The following PRR14L variants were observed in gnomAD, a reference collection of about 807,000 sequenced individuals.
The protein encoded by PRR14L is proline rich 14 like.
A neutral mutation model predicts 155.0 loss-of-function variants in PRR14L; 80 were observed. The ratio of observed to expected loss-of-function variants is 0.52; its 90% CI spans 0.43 to 0.62. The LOEUF (loss-of-function observed/expected upper bound fraction) is 0.62. Ranked by LOEUF, PRR14L falls within the 20% of genes least tolerant of loss-of-function variation. The pLI, the probability that PRR14L is intolerant of heterozygous loss-of-function variation, is 0.00. For synonymous variants in PRR14L, 883 were observed against 916.0 expected (o/e 0.96, Z 0.65); for missense variants, 2,469 against 2,548.0 (o/e 0.97, Z 0.67).
Position 31,725,617 on chromosome 22 carries a change from T to G in PRR14L, c.475-7A>C. Reference sequence around the variant, plus strand: ...ACTGCATCAGGAGATCCTCCTACAGTAAGAAAATCCAGTGGTCAAGGGGGA... The same window carrying G: ...ACTGCATCAGGAGATCCTCCTACAGGAAGAAAATCCAGTGGTCAAGGGGGA... On this transcript the variant is annotated splice_polypyrimidine_tract_variant and splice_region_variant and intron_variant, in intron 2 of 8. Coordinates refer to ENST00000327423, the MANE Select transcript of PRR14L (RefSeq NM_173566.3). 6.5e-7 allele frequency: 1 copy of G among 1,539,792 alleles called. No individual in the cohort carries two copies. The highest frequency in any genetic ancestry group is 2.4e-5 in the East Asian group (1 of 40,868).
intron 4 of PRR14L, among the ~76,000 whole-genome samples, chr22:31,705,271 T>C (rs987721744): frequency 6.6e-6 from 1 of 152,116 alleles, no homozygotes; most frequent in Non-Finnish European, 1.5e-5. Flanking sequence ...TAAATAAAAA[T>C]AAATTTTAAA....
intron 2 of PRR14L, among the ~76,000 whole-genome samples, chr22:31,730,210 C>T (rs1464391217): frequency 6.6e-6 from 1 of 151,428 alleles, no homozygotes; most frequent in Non-Finnish European, 1.5e-5. Context: ...GAGGCCAAGG[C>T]GGGTGGATCA....
intron 4 of PRR14L, 36 bp from the exon 5 acceptor site, chr22:31,704,762 G>A (rs753717065): frequency 5.9e-6 from 9 of 1,532,124 alleles, no homozygotes; most frequent in Non-Finnish European, 6.3e-6. Context: ...CAATAGGTAA[G>A]GGCAGTGGGA....
In PRR14L at chr22:31,711,486, A is replaced by C. The variant is rs546755436; in HGVS notation, c.5756+597T>G. On this transcript the variant is annotated intron_variant, in intron 4 of 8. Transcript: ENST00000327423. ...GACTGTTTCAAAAAATAAATAAATA[A>C]ACAAATAAATAAAAGCAGCCTGGTT... Among the ~76,000 whole-genome samples, 53 of 151,834 alleles carry C rather than the reference A, an allele frequency of 3.5e-4. 1 individual carries two copies. The South Asian group carries it at 0.01, about 30-fold the overall frequency.
rs150809029 is a variant in PRR14L, at chr22:31,747,988, CAAAA to C, written c.-52+2001_-52+2004del. On this transcript the variant is annotated intron_variant, in intron 1 of 8. Coordinates refer to ENST00000327423, the MANE Select transcript of PRR14L (RefSeq NM_173566.3). ...GAGGTACAAAATTTACAGCAACAAG[CAAAA>C]AAAAAACAGAACATAAAACCGTGTG... Among the ~76,000 whole-genome samples, 1,427 of 143,546 alleles carry C rather than the reference CAAAA, an allele frequency of 9.9e-3. 13 individuals are homozygous for C. The highest frequency in any genetic ancestry group is 0.013 in the Non-Finnish European group (832 of 65,648). 94.2% of individuals were successfully genotyped at this position (143,546 alleles called of 152,430 possible). A position where few individuals can be genotyped will look rare whatever the true frequency, so the allele number is the denominator to read the frequency against.
At chr22:31,730,933 A>G (rs1010156630) in intron 2 of PRR14L, among the ~76,000 whole-genome samples, 1 of 152,214 alleles carries the variant, frequency 6.6e-6, no homozygotes, top group Non-Finnish European at 1.5e-5. Flanking sequence ...AGGTTGCTGC[A>G]AAAGTAAGTG....
Position 31,714,427 on chromosome 22 carries a change from T to C in PRR14L, c.3412A>G (p.Arg1138Gly). The change falls in exon 4 of 9, where the codon AGA becomes GGA. Residue 1138 changes from arginine to glycine, a missense_variant. Coordinates refer to ENST00000327423, the MANE Select transcript of PRR14L (RefSeq NM_173566.3). Reference sequence around the variant, plus strand: ...TCCATTTCACAGTCTTTTAAAGATCTGCATACGTTTTCTTCACATGATTTT... The same window carrying C: ...TCCATTTCACAGTCTTTTAAAGATCCGCATACGTTTTCTTCACATGATTTT... ...IKKSCEENVCRSLKDCEMEKC... is the reference protein window; with the variant it reads ...IKKSCEENVCGSLKDCEMEKC... 4 of 1,551,670 alleles carry C rather than the reference T, an allele frequency of 2.6e-6. No individual in the cohort carries two copies. Among genetic ancestry groups the C allele is most frequent in the Non-Finnish European group, 3.5e-6 (4 of 1,146,976 alleles).
At chr22:31,697,063 C>T (rs1233022598) in intron 7 of PRR14L, among the ~76,000 whole-genome samples, 4 of 152,122 alleles carry the variant, frequency 2.6e-5, no homozygotes, top group South Asian at 2.1e-4. Flanking sequence ...TGCCATGAGC[C>T]GAGATCATGC....
intron 4 of PRR14L, among the ~76,000 whole-genome samples, chr22:31,708,988 T>G (rs1158931487): frequency 6.6e-6 from 1 of 151,910 alleles, no homozygotes. Context: ...CACACCCGGC[T>G]AATTTTGTAT....
Position 31,715,520 on chromosome 22 carries a change from A to T in PRR14L, c.2319T>A (p.Ser773=). 1 of 1,552,284 alleles carries T rather than the reference A, an allele frequency of 6.4e-7. No individual in the cohort carries two copies. Among genetic ancestry groups the T allele is most frequent in the Non-Finnish European group, 8.7e-7 (1 of 1,147,094 alleles). Residue 773 remains serine (S), a synonymous_variant, in exon 4 of 9, where the codon TCT becomes TCA. Transcript: ENST00000327423. ...REAAGFPQVV[S]VIECHSVQSQ... ...ATTGAACGCTGTGACATTCTATGACAGAGACCACTTGAGGAAAGCCAGCTG... is the reference window on the plus strand; with the variant it reads ...ATTGAACGCTGTGACATTCTATGACTGAGACCACTTGAGGAAAGCCAGCTG...
chr22:31,695,295 C>T (rs954110823), intron 7 of PRR14L, among the ~76,000 whole-genome samples: 1 of 152,170 alleles, frequency 6.6e-6, no homozygotes, highest in African/African-American at 2.4e-5. Context: ...TTCTCTTTTG[C>T]AGTGAGTATG....
chr22:31,741,210 G>A (rs967896175), intron 1 of PRR14L, among the ~76,000 whole-genome samples: 18 of 133,042 alleles, frequency 1.4e-4, no homozygotes, highest in African/African-American at 4.7e-4. Context: ...CCGAGATTGC[G>A]CCACTGCACT....
In PRR14L at chr22:31,738,466, A is replaced by C. The variant is rs775024541; in HGVS notation, c.395T>G (p.Ile132Arg). Reference sequence around the variant, plus strand: ...CTTTGCTCCCTCAGAGGGTTCTCTTATAATTCCTGCCTGGCCCCCTGGATC... The same window carrying C: ...CTTTGCTCCCTCAGAGGGTTCTCTTCTAATTCCTGCCTGGCCCCCTGGATC... The part of the protein sequence containing the change: ...FRDPGGQAGI[I>R]REPSEGAKED... Residue 132 changes from isoleucine to arginine, a missense_variant, in exon 2 of 9, where the codon ATA becomes AGA. This residue lies in a region of PRR14L where 2,363 missense variants were observed against 2,371.6 expected (regional missense o/e 1.00). Transcript: ENST00000327423. The C allele has an allele frequency of 1.0e-5, 16 of 1,552,080 alleles. No individual in the cohort carries two copies. The highest frequency in any genetic ancestry group is 1.3e-5 in the Non-Finnish European group (15 of 1,147,126).
Position 31,716,657 on chromosome 22 carries a change from AGAAGCCAAGT to A in PRR14L, c.1172_1181del (p.Asn391IlefsTer10). ...AAAGCCGTTCCTCATTTTCTTCTCT[AGAAGCCAAGT>A]TCTTCCCTTGATCATCCCCCCTATA... is the stretch of plus-strand genomic sequence containing the variant. On this transcript the variant is annotated frameshift_variant, in exon 4 of 9. Coordinates refer to ENST00000327423, the MANE Select transcript of PRR14L (RefSeq NM_173566.3). LOFTEE classifies it high-confidence loss of function. 1 of 1,552,098 alleles carries A rather than the reference AGAAGCCAAGT, an allele frequency of 6.4e-7. No individual in the cohort carries two copies. Among genetic ancestry groups the A allele is most frequent in the Non-Finnish European group, 8.7e-7 (1 of 1,147,106 alleles).
intron 7 of PRR14L, among the ~76,000 whole-genome samples, chr22:31,691,465 C>T (rs2074511285): frequency 1.3e-5 from 2 of 152,134 alleles, no homozygotes; most frequent in South Asian, 2.1e-4. Flanking sequence ...AAGTGATCCT[C>T]CTGCCTCTAC....
intron 1 of PRR14L, among the ~76,000 whole-genome samples, chr22:31,740,621 A>T (rs142118815): frequency 0.013 from 2,032 of 152,078 alleles, 15 homozygotes; most frequent in Middle Eastern, 0.031. Flanking sequence ...TTGGCCCCGC[A>T]AAGTGCTGGG....
chr22:31,738,573 G>C lies in PRR14L; in HGVS notation c.288C>G (p.Asp96Glu). 1 of 1,552,028 alleles carries C rather than the reference G, an allele frequency of 6.4e-7. No homozygotes were observed. The highest frequency in any genetic ancestry group is 2.4e-5 in the East Asian group (1 of 40,928). Reference protein sequence around the residue: ...GSEPGRCGLVDSTAGGSVASG... With the variant: ...GSEPGRCGLVESTAGGSVASG... Reference sequence around the variant, plus strand: ...ATGCCACAGAACCTCCTGCTGTGGAGTCCACTAGCCCACATCGCCCAGGCT... The same window carrying C: ...ATGCCACAGAACCTCCTGCTGTGGACTCCACTAGCCCACATCGCCCAGGCT... The change falls in exon 2 of 9, where the codon GAC (aspartate) becomes GAG (glutamate). Residue 96 changes from aspartate (D) to glutamate (E), a missense_variant. Coordinates refer to ENST00000327423, the MANE Select transcript of PRR14L (RefSeq NM_173566.3).
chr22:31,699,011 A>C (rs188506097), intron 7 of PRR14L, among the ~76,000 whole-genome samples: 2 of 152,276 alleles, frequency 1.3e-5, no homozygotes, highest in Admixed American at 1.3e-4. Flanking sequence ...TCCTCACTTC[A>C]AAACATACAA....
At chr22:31,705,969 C>G (rs2074588615) in intron 4 of PRR14L, among the ~76,000 whole-genome samples, 1 of 151,462 alleles carries the variant, frequency 6.6e-6, no homozygotes, top group Non-Finnish European at 1.5e-5. Flanking sequence ...CCACTGCACT[C>G]CAGCCTGGGC....
Sources: gnomAD v4.1 joint callset for allele counts (sites outside exome capture counted in the v4.1 genomes callset) on GRCh38, gnomAD v4.1.1 for gene constraint, gnomAD v4.1.1 regional missense constraint, MANE v1.5 for transcripts, NCBI Gene and HGNC (gene_info 2026-07-23, HGNC 2026-07-21) for gene names.